OTOGL: variants seen among roughly 807,000 people sequenced by gnomAD.
OTOGL encodes otogelin-like protein.
OTOGL carries 285 observed loss-of-function variants against 318.5 expected under a neutral mutation model. The ratio of observed to expected loss-of-function variants is 0.89; its 90% CI spans 0.81 to 0.99. The LOEUF (loss-of-function observed/expected upper bound fraction) is 0.99. Ranked by LOEUF, OTOGL falls within the 50% of genes least tolerant of loss-of-function variation. The pLI, the probability that OTOGL is intolerant of heterozygous loss-of-function variation, is 0.00. For missense variants in OTOGL, 2,899 were observed against 2,845.6 expected, an observed-to-expected ratio of 1.02 and a Z score of -0.43; for synonymous variants, 987 against 936.5, an observed-to-expected ratio of 1.05 and a Z score of -0.99.
chr12:80,214,654 C>CT, intron 4 of OTOGL, among the ~76,000 whole-genome samples: 1 of 152,170 alleles, frequency 6.6e-6, no homozygotes, highest in East Asian at 1.9e-4. Flanking sequence ...AACCATGTCT[C>CT]TTTTTTCAGT....
At chr12:80,142,439 T>G (rs1191632514) in intron 1 of OTOGL, among the ~76,000 whole-genome samples, 2 of 152,140 alleles carry the variant, frequency 1.3e-5, no homozygotes, top group African/African-American at 4.8e-5. Context: ...ATTCTTCAAT[T>G]AAAACTTTTC....
At chr12:80,350,021 C>T (rs567985126) in intron 44 of OTOGL, among the ~76,000 whole-genome samples, 23 of 152,286 alleles carry the variant, frequency 1.5e-4, no homozygotes, top group Non-Finnish European at 2.6e-4. Context: ...TCTTGGACTT[C>T]TGCCCATCAA....
intron 53 of OTOGL, among the ~76,000 whole-genome samples, chr12:80,367,188 T>C (rs941231247): frequency 2.7e-5 from 4 of 149,772 alleles, no homozygotes; most frequent in Non-Finnish European, 4.4e-5. Context: ...TTTCCCAGGC[T>C]GGTCTCAAAC....
intron 1 of OTOGL, among the ~76,000 whole-genome samples, chr12:80,160,572 T>C (rs908431302): frequency 6.6e-6 from 1 of 151,974 alleles, no homozygotes; most frequent in African/African-American, 2.4e-5. Context: ...AATCAAAAAA[T>C]AACCAAAATC....
Position 80,252,218 on chromosome 12 carries a change from G to A in OTOGL, c.1285+17G>A. On this transcript the variant is annotated intron_variant, in intron 13 of 58. Transcript: ENST00000547103. ...GCCCAGATGGTAAGTGCTTCATGAA[G>A]AAACCATGTCTGCACTCATGGAAAC... The A allele has an allele frequency of 6.3e-7, 1 of 1,593,966 alleles. No individual in the cohort carries two copies. The highest frequency in any genetic ancestry group is 2.3e-5 in the East Asian group (1 of 44,296).
intron 43 of OTOGL, among the ~76,000 whole-genome samples, chr12:80,340,784 G>A (rs886158507): frequency 2.6e-5 from 4 of 152,116 alleles, no homozygotes; most frequent in East Asian, 3.9e-4. Flanking sequence ...TGGAATGAGA[G>A]GCTTATATTG....
At position 80,336,452 on chromosome 12, in the gene OTOGL, T is replaced by C; in HGVS notation, c.4640T>C (p.Phe1547Ser). ...TTGTCAGAACTGAGCATTATTACAT[T>C]TGATGGAAACAACGCAGCATTATAT... The part of the protein sequence containing the change: ...SMLSELSIIT[F>S]DGNNAALYSM... The change falls in exon 40 of 59, where the codon TTT becomes TCT. Residue 1547 changes from phenylalanine to serine, a missense_variant. By Grantham distance (155) the Phe-to-Ser change is radical (BLOSUM62 -2). Coordinates refer to ENST00000547103, the MANE Select transcript of OTOGL (RefSeq NM_001378609.3). 1 of 1,609,814 alleles carries C rather than the reference T, an allele frequency of 6.2e-7. No individual in the cohort carries two copies. Among genetic ancestry groups the C allele is most frequent in the Non-Finnish European group, 8.5e-7 (1 of 1,177,578 alleles).
At chr12:80,253,653 A>G in intron 14 of OTOGL, 79 bp downstream of exon 14, 1 of 1,117,452 alleles carries the variant, frequency 8.9e-7, no homozygotes, top group Non-Finnish European at 1.3e-6. Flanking sequence ...GTTTAAAGGA[A>G]TATACTCATT....
intron 4 of OTOGL, among the ~76,000 whole-genome samples, chr12:80,217,347 A>G (rs1005723746): frequency 6.6e-6 from 1 of 152,172 alleles, no homozygotes; most frequent in African/African-American, 2.4e-5. Context: ...CAGAGAGCAG[A>G]CAAAGTAAAT....
chr12:80,336,645 G>T, intron 40 of OTOGL, 90 bp downstream of exon 40: 4 of 1,458,864 alleles, frequency 2.7e-6, no homozygotes, highest in Non-Finnish European at 3.7e-6. Flanking sequence ...GGAGGAGGGA[G>T]CTCAAGAACT....
At position 80,257,928 on chromosome 12, in the gene OTOGL, G is replaced by A; in HGVS notation, c.1815G>A (p.Gln605=). 6.3e-7 allele frequency: 1 copy of A among 1,598,190 alleles called. No homozygotes were observed. Among genetic ancestry groups the A allele is most frequent in the Non-Finnish European group, 8.5e-7 (1 of 1,179,194 alleles). ...FAIDGERIYI[Q]LTSAWKRRTL... ...TAGATGGGGAAAGAATTTATATTCA[G>A]CTTACTAGCGCATGGAAAAGAAGAA... is the stretch of plus-strand genomic sequence containing the variant. The change falls in exon 18 of 59, where the codon CAG becomes CAA. Residue 605 remains glutamine, a synonymous_variant. Coordinates refer to ENST00000547103, the MANE Select transcript of OTOGL (RefSeq NM_001378609.3).
intron 1 of OTOGL, among the ~76,000 whole-genome samples, chr12:80,134,296 C>T (rs542081780): frequency 1.3e-4 from 20 of 152,204 alleles, no homozygotes; most frequent in Non-Finnish European, 2.2e-4. Context: ...AAATTCTATG[C>T]ATCCTTTGAT....
At chr12:80,209,692 C>T (rs1338911730) in intron 2 of OTOGL, among the ~76,000 whole-genome samples, 182 bp downstream of exon 2, 1 of 152,046 alleles carries the variant, frequency 6.6e-6, no homozygotes, top group Non-Finnish European at 1.5e-5. Flanking sequence ...TTTTGGTTTT[C>T]ATTTTTTGAC....
chr12:80,249,969 A>T lies in OTOGL; in HGVS notation c.1053-1724A>T, dbSNP rs566227293. Among the ~76,000 whole-genome samples the T allele has an allele frequency of 2.0e-5, 3 of 151,732 alleles. No homozygotes were observed. In the South Asian group the frequency reaches 6.2e-4, roughly 32 times the overall value. The stretch of plus-strand genomic sequence containing the variant: ...GCCCTTTCTTTGACTCGGAAAGGGA[A>T]CTCCCTGACCCCTTGCGCTTCCCAG... On this transcript the variant is annotated intron_variant, in intron 11 of 58. Coordinates refer to ENST00000547103, the MANE Select transcript of OTOGL (RefSeq NM_001378609.3).
Position 80,343,509 on chromosome 12 carries a change from G to GGTTTTTTTTTTTTTTTTTTTTTTTTTTTT in OTOGL, c.5265+1347_5265+1348insGTTTTTTTTTTTTTTTTTTTTTTTTTTTT. 4.7e-4 allele frequency: 17 copies of GGTTTTTTTTTTTTTTTTTTTTTTTTTTTT among 35,856 alleles called. 6 individuals carry two copies. Among genetic ancestry groups the GGTTTTTTTTTTTTTTTTTTTTTTTTTTTT allele is most frequent in the Middle Eastern group, 0.029 (2 of 68 alleles). The allele number at this position is 35,856 out of a possible 1,614,324, so 2.2% of individuals were successfully genotyped here. On this transcript the variant is annotated intron_variant, in intron 44 of 58. Coordinates refer to ENST00000547103, the MANE Select transcript of OTOGL (RefSeq NM_001378609.3). ...TACATTTTTATTATTTTTTATTCTT[G>GGTTTTTTTTTTTTTTTTTTTTTTTTTTTT]TTTTTTTTTTTTTTTTTTTTTTTTT...
chr12:80,271,954 G>A (rs1307201210), intron 24 of OTOGL, 144 bp downstream of exon 24: 1 of 925,772 alleles, frequency 1.1e-6, no homozygotes, highest in South Asian at 2.2e-5. Context: ...TATTGTGATT[G>A]TTTTGCTTGG....
rs142046142 is a variant in OTOGL at position 80,121,577 on chromosome 12, A to G, written c.-20+21972A>G. Among the ~76,000 whole-genome samples the G allele has an allele frequency of 2.3e-4, 35 of 152,258 alleles. No individual in the cohort carries two copies. The East Asian group carries it at 6.4e-3, about 28-fold the overall frequency. ...AAAATCAACCACCCCACGAAACAAA[A>G]CAAAATAAAAAACCAAACCATAATA... On this transcript the variant is annotated intron_variant, in intron 1 of 58. Transcript: ENST00000547103.
chr12:80,274,534 AG>A (rs1201849749), intron 24 of OTOGL, among the ~76,000 whole-genome samples: 1 of 152,082 alleles, frequency 6.6e-6, no homozygotes, highest in African/African-American at 2.4e-5. Context: ...TAAAAGTGCA[AG>A]TGCTGATGGA....
At chr12:80,263,660 T>G (rs1460304280) in intron 19 of OTOGL, among the ~76,000 whole-genome samples, 1 of 151,116 alleles carries the variant, frequency 6.6e-6, no homozygotes, top group African/African-American at 2.5e-5. Flanking sequence ...TGATATTAAC[T>G]TTTTTTTAGC....
Sources: gnomAD v4.1 joint callset for allele counts (sites outside exome capture counted in the v4.1 genomes callset) on GRCh38, gnomAD v4.1.1 for gene constraint, MANE v1.5 for transcripts, NCBI Gene and HGNC (gene_info 2026-07-23, HGNC 2026-07-21) for gene names.